Variants in PACRG observed in about 807,000 individuals in gnomAD.
PACRG encodes the protein parkin coregulated gene protein.
A neutral mutation model predicts 29.7 loss-of-function variants in PACRG; 29 were observed. The observed-to-expected ratio is 0.98, with a 90% CI of 0.73 to 1.33. PACRG has a LOEUF of 1.33. PACRG is among the 40% of genes most tolerant of loss of function. The probability of loss-of-function intolerance (pLI) is 0.00; values close to 1 mark genes in which losing one functional copy is unlikely to be tolerated. For synonymous variants in PACRG, 116 were observed against 118.7 expected (o/e 0.98, Z 0.15); for missense variants, 279 against 316.2 (o/e 0.88, Z 0.89).
chr6:163,090,941 C>A (rs1814056573), intron 4 of PACRG, among the ~76,000 whole-genome samples: 1 of 152,162 alleles, frequency 6.6e-6, no homozygotes, highest in Admixed American at 6.5e-5. Context: ...TTACTATTTC[C>A]ATTTAATTGT....
intron 1 of PACRG, among the ~76,000 whole-genome samples, chr6:162,729,859 G>C (rs1779615930): frequency 6.6e-6 from 1 of 151,804 alleles, no homozygotes; most frequent in African/African-American, 2.4e-5. Context: ...AATGTAATAA[G>C]TATGCCTACA....
intron 4 of PACRG, among the ~76,000 whole-genome samples, chr6:163,212,474 G>A (rs1175288061): frequency 1.3e-5 from 2 of 152,092 alleles, no homozygotes; most frequent in African/African-American, 2.4e-5. Flanking sequence ...TTGGAACAGA[G>A]CCATGTCAAA....
At chr6:162,904,452 T>TGGAGTGAG (rs199505186) in intron 2 of PACRG, among the ~76,000 whole-genome samples, 5,208 of 152,228 alleles carry the variant, frequency 0.034, 149 homozygotes, top group Middle Eastern at 0.048. Flanking sequence ...TGGGAGCACG[T>TGGAGTGAG]GGAGTGAGGG....
intron 4 of PACRG, 23 bp downstream of exon 4, chr6:163,089,431 A>T: frequency 6.2e-7 from 1 of 1,607,944 alleles, no homozygotes; most frequent in Non-Finnish European, 8.5e-7. Flanking sequence ...ACGAGTCAAA[A>T]TGTCTTTTAA....
At chr6:162,778,065 C>A (rs1186521946) in intron 1 of PACRG, among the ~76,000 whole-genome samples, 1 of 152,178 alleles carries the variant, frequency 6.6e-6, no homozygotes, top group African/African-American at 2.4e-5. Flanking sequence ...GCATTTGCAA[C>A]AACTGCAGGT....
At chr6:163,131,886 G>A (rs527913104) in intron 4 of PACRG, among the ~76,000 whole-genome samples, 11 of 152,274 alleles carry the variant, frequency 7.2e-5, no homozygotes, top group African/African-American at 2.6e-4. Context: ...CAATAGGCAC[G>A]TGTTGAATGT....
At chr6:162,756,237 T>C (rs1267662833) in intron 1 of PACRG, among the ~76,000 whole-genome samples, 1 of 152,196 alleles carries the variant, frequency 6.6e-6, no homozygotes, top group Non-Finnish European at 1.5e-5. Flanking sequence ...TTGTTGAAAG[T>C]GGCGTATTAA....
intron 4 of PACRG, among the ~76,000 whole-genome samples, chr6:163,213,863 A>G (rs1329258847): frequency 1.0e-5 from 1 of 95,316 alleles, no homozygotes; most frequent in East Asian, 1.9e-4. Flanking sequence ...TGAAATTTAC[A>G]TTGGTTTAAA....
At chr6:162,949,405 A>G (rs1799483855) in intron 2 of PACRG, among the ~76,000 whole-genome samples, 2 of 152,156 alleles carry the variant, frequency 1.3e-5, no homozygotes, top group African/African-American at 4.8e-5. Flanking sequence ...GGGTCTGTAC[A>G]ATTACACAGG....
At chr6:163,217,776 A>G (rs1373645498) in intron 4 of PACRG, among the ~76,000 whole-genome samples, 1 of 151,898 alleles carries the variant, frequency 6.6e-6, no homozygotes, top group Non-Finnish European at 1.5e-5. Flanking sequence ...GGCTGTGTGC[A>G]CCTTGTGAGA....
Position 163,000,584 on chromosome 6 carries a change from G to A in PACRG, c.292-61566G>A, listed in dbSNP as rs575567556. 3.3e-5 allele frequency among the ~76,000 whole-genome samples: 5 copies of A among 152,276 alleles called. No homozygotes were observed. In the East Asian group the frequency reaches 7.8e-4, roughly 24 times the overall value. ...AGCTCTGGCATTCTCTCCCTGTGTGGCCTTGGGCATGCATCTTAACTTGCT... is the reference window on the plus strand; with the variant it reads ...AGCTCTGGCATTCTCTCCCTGTGTGACCTTGGGCATGCATCTTAACTTGCT... On this transcript the variant is annotated intron_variant, in intron 2 of 4. Transcript: ENST00000366888.
At chr6:163,144,016 G>A (rs980075084) in intron 4 of PACRG, among the ~76,000 whole-genome samples, 2 of 151,974 alleles carry the variant, frequency 1.3e-5, no homozygotes, top group African/African-American at 2.4e-5. Context: ...GGGTCCTGAG[G>A]TCAGGAGTTT....
rs544760415 is a variant in PACRG, at chr6:163,168,480, C to T, written c.613+79072C>T. ...CCTCACTCCAGACTGAACAACAGAG[C>T]GAGACTCCGTCTCAAAAAAGAAAAA... On this transcript the variant is annotated intron_variant, in intron 4 of 4. Transcript: ENST00000366888. 8.5e-5 allele frequency among the ~76,000 whole-genome samples: 13 copies of T among 152,184 alleles called. No homozygotes were observed. In the South Asian group the frequency reaches 2.5e-3, roughly 29 times the overall value.
At chr6:163,038,187 A>G (rs945669608) in intron 2 of PACRG, among the ~76,000 whole-genome samples, 3 of 152,228 alleles carry the variant, frequency 2.0e-5, no homozygotes, top group African/African-American at 7.2e-5. Flanking sequence ...TTAGGCTCCA[A>G]CATGTACACC....
At chr6:163,123,807 G>A (rs1430575781) in intron 4 of PACRG, among the ~76,000 whole-genome samples, 1 of 152,300 alleles carries the variant, frequency 6.6e-6, no homozygotes, top group East Asian at 1.9e-4. Context: ...ATCTGTCCGT[G>A]TTGTCACAAA....
At chr6:163,208,079 A>G (rs979058166) in intron 4 of PACRG, among the ~76,000 whole-genome samples, 5 of 152,230 alleles carry the variant, frequency 3.3e-5, no homozygotes, top group Non-Finnish European at 5.9e-5. Context: ...ACATATTGCC[A>G]CTGTCTACAT....
At chr6:163,239,540 C>G (rs983460388) in intron 4 of PACRG, among the ~76,000 whole-genome samples, 1 of 151,972 alleles carries the variant, frequency 6.6e-6, no homozygotes, top group Non-Finnish European at 1.5e-5. Flanking sequence ...CTGCTTCTCC[C>G]TGCTACAACT....
At chr6:163,303,308 C>T (rs779322119) in intron 4 of PACRG, among the ~76,000 whole-genome samples, 43 of 151,656 alleles carry the variant, frequency 2.8e-4, no homozygotes, top group Middle Eastern at 3.4e-3. Context: ...TGGGTGACAG[C>T]GTGAGACCCT....
chr6:163,132,511 T>G (rs1402035517), intron 4 of PACRG, among the ~76,000 whole-genome samples: 22 of 152,178 alleles, frequency 1.4e-4, no homozygotes, highest in Admixed American at 1.4e-3. Context: ...TCTAAGAATC[T>G]TTGAGCAATT....
Sources: gnomAD v4.1 joint callset for allele counts (sites outside exome capture counted in the v4.1 genomes callset) on GRCh38, gnomAD v4.1.1 for gene constraint, MANE v1.5 for transcripts, NCBI Gene and HGNC (gene_info 2026-07-23, HGNC 2026-07-21) for gene names.